STK3: variants seen among roughly 807,000 people sequenced by gnomAD.
STK3 encodes serine/threonine-protein kinase 3.
Under a neutral mutation model 58.0 loss-of-function variants are expected in STK3, and 41 were observed. The ratio of observed to expected loss-of-function variants is 0.71; its 90% CI spans 0.55 to 0.92. STK3 has a LOEUF of 0.92. Ranked by LOEUF, STK3 falls within the 40% of genes least tolerant of loss-of-function variation. STK3 has a pLI of 0.00. For missense variants in STK3, 479 were observed against 602.7 expected (o/e 0.79, Z 2.15); for synonymous variants, 170 against 191.0 (o/e 0.89, Z 0.91).
intron 3 of STK3, among the ~76,000 whole-genome samples, chr8:98,402,347 T>A (rs1157860114): frequency 6.6e-6 from 1 of 152,158 alleles, no homozygotes; most frequent in Non-Finnish European, 1.5e-5. Context: ...GGCCTGCATA[T>A]CTTGAGCCAG....
intron 7 of STK3, among the ~76,000 whole-genome samples, chr8:98,585,718 C>T (rs1174241622): frequency 6.6e-6 from 1 of 152,004 alleles, no homozygotes; most frequent in Non-Finnish European, 1.5e-5. Context: ...TTGATTCTTC[C>T]TACCCATGAG....
At chr8:98,721,568 T>A (rs947523655) in intron 4 of STK3, among the ~76,000 whole-genome samples, 2 of 151,742 alleles carry the variant, frequency 1.3e-5, no homozygotes, top group Middle Eastern at 3.4e-3. Flanking sequence ...ATATATATAA[T>A]TATTTATTTA....
chr8:98,884,714 T>C (rs1239937090), intron 1 of STK3, among the ~76,000 whole-genome samples: 1 of 152,194 alleles, frequency 6.6e-6, no homozygotes, highest in East Asian at 1.9e-4. Flanking sequence ...TGTATCCCAG[T>C]TGTAACTTCA....
At chr8:98,752,345 A>G (rs937292385) in intron 3 of STK3, among the ~76,000 whole-genome samples, 8 of 152,134 alleles carry the variant, frequency 5.3e-5, no homozygotes, top group Non-Finnish European at 1.2e-4. Flanking sequence ...CAGGCAATGG[A>G]AAGGAAAAAG....
chr8:98,829,011 C>G (rs1587719414), upstream of STK3, among the ~76,000 whole-genome samples: 1 of 152,210 alleles, frequency 6.6e-6, no homozygotes, highest in South Asian at 2.1e-4. Flanking sequence ...TCCATCTGCT[C>G]TCTGCTCTGA....
chr8:98,742,416 G>A (rs1294211915), intron 4 of STK3, among the ~76,000 whole-genome samples: 1 of 124,238 alleles, frequency 8.0e-6, no homozygotes, highest in African/African-American at 3.1e-5. Context: ...GGGATGCAAG[G>A]CTGGTTCAAC....
chr8:98,454,622 G>A (rs547131997), downstream of STK3: 3 of 152,638 alleles, frequency 2.0e-5, no homozygotes, highest in Admixed American at 2.0e-4. Context: ...CAAAGATACA[G>A]AAACGAAATA....
chr8:98,723,852 G>A (rs543375062), intron 4 of STK3, among the ~76,000 whole-genome samples: 1 of 152,134 alleles, frequency 6.6e-6, no homozygotes, highest in Admixed American at 6.5e-5. Context: ...AGTCTTTTAA[G>A]GCCTGGATCA....
chr8:98,554,521 G>A lies in STK3; in HGVS notation c.949-6360C>T, dbSNP rs917446407. Among the ~76,000 whole-genome samples the A allele has an allele frequency of 2.6e-5, 4 of 152,116 alleles. No homozygotes were observed. The South Asian group carries it at 8.3e-4, about 31-fold the overall frequency. On this transcript the variant is annotated intron_variant, in intron 8 of 10. Transcript: ENST00000419617. ...TCACACAATTGGCTTAGATAAAATTGTAAAAACATTGAATTAAGTTTGGAA... is the reference window on the plus strand; with the variant it reads ...TCACACAATTGGCTTAGATAAAATTATAAAAACATTGAATTAAGTTTGGAA...
In STK3 at chr8:98,734,414, G is replaced by A. The variant is rs138425493; in HGVS notation, c.351+14862C>T. On this transcript the variant is annotated intron_variant, in intron 4 of 10. Coordinates refer to ENST00000419617, the MANE Select transcript of STK3 (RefSeq NM_006281.4). ...ATTGCTGAAAGCCTGGGTTCATGCC[G>A]TTTCTCCTATACTAGGTTGAATGAA... Among the ~76,000 whole-genome samples the A allele has an allele frequency of 9.3e-3, 1,411 of 152,224 alleles. 17 individuals carry two copies. Among genetic ancestry groups the A allele is most frequent in the African/African-American group, 0.032 (1,323 of 41,532 alleles).
intron 4 of STK3, among the ~76,000 whole-genome samples, chr8:98,743,531 C>T (rs539967722): frequency 0.02 from 3,022 of 151,756 alleles, 119 homozygotes; most frequent in African/African-American, 0.069. Flanking sequence ...TGGCTAGCGA[C>T]ATGTAGAAAG....
At chr8:98,617,564 A>G (rs1210217256) in intron 6 of STK3, among the ~76,000 whole-genome samples, 2 of 151,998 alleles carry the variant, frequency 1.3e-5, no homozygotes, top group East Asian at 3.8e-4. Context: ...ATAGACCGCT[A>G]GCAAGACTAA....
intron 6 of STK3, chr8:98,597,534 T>C (rs1481651853): frequency 1.0e-6 from 1 of 985,278 alleles, no homozygotes; most frequent in African/African-American, 1.7e-5. Flanking sequence ...AGAACAATGC[T>C]ATAATTTAGA....
chr8:98,752,771 A>C (rs889297704), intron 3 of STK3, among the ~76,000 whole-genome samples: 4 of 152,042 alleles, frequency 2.6e-5, no homozygotes, highest in African/African-American at 9.7e-5. Context: ...AAAAACAAAC[A>C]ACCCCATTAA....
intron 6 of STK3, among the ~76,000 whole-genome samples, chr8:98,700,108 T>C (rs532522216): frequency 1.0e-3 from 152 of 152,330 alleles, no homozygotes; most frequent in Non-Finnish European, 1.7e-3. Context: ...GCCTTGCAGT[T>C]TGATCTCAGA....
intron 3 of STK3, among the ~76,000 whole-genome samples, chr8:98,850,965 G>C (rs1369909183): frequency 6.6e-6 from 1 of 152,168 alleles, no homozygotes; most frequent in African/African-American, 2.4e-5. Flanking sequence ...TGGCAGGTGT[G>C]TAACCTTCAC....
intron 3 of STK3, among the ~76,000 whole-genome samples, chr8:98,852,620 G>T (rs774423147): frequency 4.6e-5 from 7 of 151,872 alleles, no homozygotes; most frequent in Admixed American, 2.6e-4. Flanking sequence ...TCTTTTCCTT[G>T]AGATTTAAAA....
rs891129541 is a variant in STK3 at position 98,417,620 on chromosome 8, G to T, written n.484-16107C>A. 1.4e-4 allele frequency among the ~76,000 whole-genome samples: 22 copies of T among 152,104 alleles called. 1 individual carries two copies. Among genetic ancestry groups the T allele is most frequent in the African/African-American group, 5.1e-4 (21 of 41,420 alleles). ...TGGTGAGTTCTGTAACTGTGAACAC[G>T]GTACTCAACCTTTCTGTGCCTGTTT... is the stretch of plus-strand genomic sequence containing the variant. On this transcript the variant is annotated intron_variant and non_coding_transcript_variant, in intron 3 of 3. Transcript: ENST00000517832.
chr8:98,864,122 C>T (rs1344808788), intron 3 of STK3, among the ~76,000 whole-genome samples: 1 of 136,044 alleles, frequency 7.4e-6, no homozygotes, highest in Non-Finnish European at 1.5e-5. Context: ...TGGCATGAAT[C>T]GGGAGGCGGA....
Sources: allele counts gnomAD v4.1 joint callset (sites outside exome capture counted in the v4.1 genomes callset), GRCh38; gene constraint gnomAD v4.1.1; transcripts MANE v1.5; gene names NCBI Gene and HGNC (gene_info 2026-07-23, HGNC 2026-07-21).